Variants in CYFIP2 observed in about 807,000 individuals in gnomAD.
The protein encoded by CYFIP2 is cytoplasmic FMR1 interacting protein 2.
CYFIP2 carries 29 observed loss-of-function variants against 158.7 expected under a neutral mutation model. That is an observed-to-expected ratio of 0.18 (90% CI 0.14 to 0.25). The LOEUF is 0.25. CYFIP2 is among the 10% of genes least tolerant of loss of function. CYFIP2 has a pLI of 1.00. For missense variants in CYFIP2, 852 were observed against 1,639.5 expected, an observed-to-expected ratio of 0.52 and a Z score of 8.29; for synonymous variants, 585 against 617.6, an observed-to-expected ratio of 0.95 and a Z score of 0.78.
At chr5:157,343,351 C>T (rs374331000) in intron 23 of CYFIP2, 4 of 1,614,158 alleles carry the variant, frequency 2.5e-6, no homozygotes, top group Non-Finnish European at 2.5e-6. Context: ...GATGTTCCAG[C>T]ACCACGGAGC....
intron 1 of CYFIP2, among the ~76,000 whole-genome samples, chr5:157,283,026 A>T (rs1350052744): frequency 6.6e-6 from 1 of 152,260 alleles, no homozygotes; most frequent in South Asian, 2.1e-4. Context: ...ATAAACCTCC[A>T]CTTATCGAGT....
In CYFIP2 at chr5:157,384,570, C is replaced by T. The variant is rs141846213; in HGVS notation, c.3207+1211C>T. ...AGCACGATGCAAAGCCTCATCTGCA[C>T]AGACGTCATGCTGAGGAAGCCACCC... On this transcript the variant is annotated intron_variant, in intron 28 of 30. Coordinates refer to ENST00000620254, the MANE Select transcript of CYFIP2 (RefSeq NM_001037333.3). 530 of 443,568 alleles carry T rather than the reference C, an allele frequency of 1.2e-3. 2 individuals are homozygous for T. Among genetic ancestry groups the T allele is most frequent in the African/African-American group, 9.9e-3 (496 of 49,882 alleles). 27.5% of individuals were successfully genotyped at this position (443,568 alleles called of 1,614,324 possible).
intron 26 of CYFIP2, among the ~76,000 whole-genome samples, chr5:157,365,823 T>C (rs1464585484): frequency 6.6e-6 from 1 of 151,856 alleles, no homozygotes; most frequent in Non-Finnish European, 1.5e-5. Context: ...TTCATCCATG[T>C]TGTAGATGAT....
chr5:157,273,820 T>C lies in CYFIP2; in HGVS notation c.-24+7625T>C, dbSNP rs116375486. ...CTTTATTGAAATATAGTTTGCATAC[T>C]GTACAATTCACTCATTTAAAAAATA... On this transcript the variant is annotated intron_variant, in intron 1 of 30. Transcript: ENST00000620254. 9.1e-3 allele frequency among the ~76,000 whole-genome samples: 1,382 copies of C among 152,294 alleles called. 19 individuals carry two copies. Among genetic ancestry groups the C allele is most frequent in the African/African-American group, 0.032 (1,318 of 41,556 alleles).
At chr5:157,324,431 C>T (rs1300105323) in intron 16 of CYFIP2, among the ~76,000 whole-genome samples, 1 of 152,150 alleles carries the variant, frequency 6.6e-6, no homozygotes, top group African/African-American at 2.4e-5. Flanking sequence ...TTGCTGCTGC[C>T]AGCAGGGGAG....
At chr5:157,293,020 A>G (rs918660939) in intron 3 of CYFIP2, among the ~76,000 whole-genome samples, 1 of 142,098 alleles carries the variant, frequency 7.0e-6, no homozygotes, top group Admixed American at 6.9e-5. Context: ...ATATGTATGT[A>G]TGTATGTATG....
intron 23 of CYFIP2, chr5:157,342,424 A>G (rs775639872): frequency 1.9e-5 from 3 of 155,586 alleles, no homozygotes; most frequent in Non-Finnish European, 4.3e-5. Context: ...AATAATCCCA[A>G]ATTATTTCCA....
intron 4 of CYFIP2, 81 bp from the exon 5 acceptor site, chr5:157,296,592 T>TAA: frequency 7.4e-7 from 1 of 1,352,856 alleles, no homozygotes; most frequent in Admixed American, 1.7e-5. Context: ...AGACCCTGTC[T>TAA]CAAAAACAAA....
At chr5:157,274,144 A>C (rs939177753) in intron 1 of CYFIP2, among the ~76,000 whole-genome samples, 2 of 151,996 alleles carry the variant, frequency 1.3e-5, no homozygotes, top group African/African-American at 2.4e-5. Context: ...AAAAAAAAAA[A>C]AAAAACCGTT....
intron 26 of CYFIP2, among the ~76,000 whole-genome samples, chr5:157,375,407 G>A (rs190572700): frequency 4.1e-4 from 62 of 152,294 alleles, no homozygotes; most frequent in Non-Finnish European, 7.9e-4. Flanking sequence ...AGGGTGAGTT[G>A]CATGAGGCTC....
chr5:157,314,943 G>T, intron 12 of CYFIP2, 26 bp from the exon 13 acceptor site: 2 of 1,540,312 alleles, frequency 1.3e-6, no homozygotes, highest in Non-Finnish European at 1.8e-6. Flanking sequence ...GTTGATGGAC[G>T]TTTGGTTTGT....
intron 1 of CYFIP2, among the ~76,000 whole-genome samples, chr5:157,280,392 G>T (rs1171039189): frequency 8.9e-6 from 1 of 112,806 alleles, no homozygotes; most frequent in Admixed American, 8.3e-5. Flanking sequence ...ATTTTTAGTA[G>T]AAATGGGATT....
intron 6 of CYFIP2, among the ~76,000 whole-genome samples, chr5:157,301,757 C>T (rs1758769174): frequency 6.6e-6 from 1 of 152,064 alleles, no homozygotes; most frequent in South Asian, 2.1e-4. Flanking sequence ...AATGAGACCC[C>T]GTCTCTTTTT....
intron 23 of CYFIP2, among the ~76,000 whole-genome samples, chr5:157,348,242 G>A (rs73306225): frequency 0.025 from 3,866 of 152,336 alleles, 159 homozygotes; most frequent in African/African-American, 0.089. Context: ...AAGCTGGATT[G>A]GCACATGGGG....
At chr5:157,384,179 A>G (rs1467160401) in intron 28 of CYFIP2, 1 of 412,988 alleles carries the variant, frequency 2.4e-6, no homozygotes, top group Non-Finnish European at 4.9e-6. Context: ...ACGAGTCACG[A>G]TGAACATCAA....
chr5:157,388,636 A>C (rs1187598451), intron 28 of CYFIP2, among the ~76,000 whole-genome samples: 2 of 152,188 alleles, frequency 1.3e-5, no homozygotes, highest in Non-Finnish European at 2.9e-5. Context: ...TCATTTCTGC[A>C]ATTTGTTCTA....
chr5:157,372,518 G>T (rs1394170749), intron 26 of CYFIP2, among the ~76,000 whole-genome samples: 3 of 152,104 alleles, frequency 2.0e-5, no homozygotes, highest in Non-Finnish European at 4.4e-5. Flanking sequence ...GAAGGAAAGG[G>T]GTTAAACCAG....
At chr5:157,285,276 C>A in intron 1 of CYFIP2, 63 bp from the exon 2 acceptor site, 2 of 1,085,994 alleles carry the variant, frequency 1.8e-6, no homozygotes, top group South Asian at 1.3e-5. Flanking sequence ...GGTCATGGTG[C>A]GGTTAAGAGG....
In CYFIP2 at chr5:157,314,936, G is replaced by C. The variant is rs116653633; in HGVS notation, c.1231-33G>C. The stretch of plus-strand genomic sequence containing the variant: ...CATTCTGTTTGTCCGTTCATCAGTT[G>C]ATGGACGTTTGGTTTGTTCCCACTC... On this transcript the variant is annotated intron_variant, in intron 12 of 30. Coordinates refer to ENST00000620254, the MANE Select transcript of CYFIP2 (RefSeq NM_001037333.3). 2.1e-4 allele frequency: 320 copies of C among 1,519,300 alleles called. 1 individual carries two copies. The African/African-American group carries it at 3.9e-3, about 19-fold the overall frequency. The allele number at this position is 1,519,300 out of a possible 1,614,324, so 94.1% of individuals were successfully genotyped here. A position where few individuals can be genotyped will look rare whatever the true frequency, so the allele number is the denominator to read the frequency against.
Sources: gnomAD v4.1 joint callset for allele counts (sites outside exome capture counted in the v4.1 genomes callset) on GRCh38, gnomAD v4.1.1 for gene constraint, MANE v1.5 for transcripts, NCBI Gene and HGNC (gene_info 2026-07-23, HGNC 2026-07-21) for gene names.